BBX: variants seen among roughly 807,000 people sequenced by gnomAD.
BBX encodes BBX high mobility group box domain containing, also known as HMG box transcription factor BBX.
In BBX, 30 loss-of-function variants were observed where a neutral mutation model predicts 100.2. The observed-to-expected ratio is 0.30, with a 90% CI of 0.22 to 0.41. The LOEUF (loss-of-function observed/expected upper bound fraction) is 0.41. Ranked by LOEUF, BBX falls within the 10% of genes least tolerant of loss-of-function variation. The pLI, the probability that BBX is intolerant of heterozygous loss-of-function variation, is 1.00. For missense variants in BBX, 1,023 were observed against 1,129.8 expected, an observed-to-expected ratio of 0.91 and a Z score of 1.35; for synonymous variants, 376 against 388.1, an observed-to-expected ratio of 0.97 and a Z score of 0.37.
At position 107,583,568 on chromosome 3, in the gene BBX, T is replaced by C. The variant is rs147585182; in HGVS notation, c.-84+57170T>C. On this transcript the variant is annotated intron_variant, in intron 2 of 17. Coordinates refer to ENST00000325805, the MANE Select transcript of BBX (RefSeq NM_001142568.3). The stretch of plus-strand genomic sequence containing the variant: ...GATCAAATCGGGATAATTGGAATAT[T>C]TATCACCTTGAACATTTATCTTTTC... Among the ~76,000 whole-genome samples, 1,334 of 151,966 alleles carry C rather than the reference T, an allele frequency of 8.8e-3. 22 individuals carry two copies. Among genetic ancestry groups the C allele is most frequent in the African/African-American group, 0.031 (1,266 of 41,494 alleles).
At chr3:107,616,966 C>T (rs1009109598) in intron 2 of BBX, among the ~76,000 whole-genome samples, 1 of 152,018 alleles carries the variant, frequency 6.6e-6, no homozygotes, top group Non-Finnish European at 1.5e-5. Flanking sequence ...TCAAATTTAA[C>T]TAGCTCTAGA....
chr3:107,728,675 G>C lies in BBX; in HGVS notation c.406-90G>C, dbSNP rs76849035. 5,937 of 1,155,734 alleles carry C rather than the reference G, an allele frequency of 5.1e-3. 86 individuals are homozygous for C. In the Middle Eastern group the frequency reaches 0.054, roughly 10 times the overall value. 71.6% of individuals were successfully genotyped at this position (1,155,734 alleles called of 1,614,324 possible). On this transcript the variant is annotated intron_variant, in intron 5 of 17. Transcript: ENST00000325805. ...TCACTGAAATTGTTTTTCTCACTTG[G>C]TATCTAAATAGGGGAATGGGGTGAC...
At chr3:107,613,335 C>T (rs542187737) in intron 2 of BBX, among the ~76,000 whole-genome samples, 6 of 149,726 alleles carry the variant, frequency 4.0e-5, no homozygotes, top group Admixed American at 1.3e-4. Context: ...TACAGGCGCC[C>T]GCCACCACGA....
Position 107,646,970 on chromosome 3 carries a change from A to G in BBX, c.-10+1061A>G, listed in dbSNP as rs558664596. Among the ~76,000 whole-genome samples, 117 of 152,242 alleles carry G rather than the reference A, an allele frequency of 7.7e-4. 1 individual carries two copies. Among genetic ancestry groups the G allele is most frequent in the African/African-American group, 2.6e-3 (108 of 41,578 alleles). On this transcript the variant is annotated intron_variant, in intron 3 of 17. Coordinates refer to ENST00000325805, the MANE Select transcript of BBX (RefSeq NM_001142568.3). ...TTGTATACATAGTAAAATGTATATG[A>G]TTTACTTGAATGTGTATTTATAATA...
At chr3:107,661,965 T>C in intron 3 of BBX, 1 of 928,510 alleles carries the variant, frequency 1.1e-6, no homozygotes, top group Non-Finnish European at 1.3e-6. Flanking sequence ...CAGCATTTGT[T>C]AAGTGACTAC....
At chr3:107,798,063 G>T (rs952994953) in intron 15 of BBX, among the ~76,000 whole-genome samples, 3 of 152,184 alleles carry the variant, frequency 2.0e-5, no homozygotes, top group Non-Finnish European at 2.9e-5. Context: ...GTGCTTAAAA[G>T]CAAATGTCCC....
At chr3:107,701,248 G>A (rs1329236668) in intron 3 of BBX, among the ~76,000 whole-genome samples, 4 of 152,086 alleles carry the variant, frequency 2.6e-5, no homozygotes, top group African/African-American at 9.7e-5. Flanking sequence ...GCAGGGGAAG[G>A]GCAGTATGGG....
At chr3:107,554,469 A>G (rs2049931044) in intron 2 of BBX, among the ~76,000 whole-genome samples, 2 of 152,186 alleles carry the variant, frequency 1.3e-5, no homozygotes, top group African/African-American at 2.4e-5. Flanking sequence ...AAGATTTTAT[A>G]TGTATCTAGC....
intron 3 of BBX, among the ~76,000 whole-genome samples, chr3:107,661,450 G>C (rs1463010255): frequency 6.6e-6 from 1 of 152,122 alleles, no homozygotes; most frequent in Non-Finnish European, 1.5e-5. Context: ...TTATAGCTGG[G>C]TTGTTTGGAG....
At position 107,788,605 on chromosome 3, in the gene BBX, C is replaced by CA. The variant is rs113556653; in HGVS notation, c.2204-1171dup. Among the ~76,000 whole-genome samples the CA allele has an allele frequency of 4.0e-3, 570 of 143,296 alleles. 1 individual carries two copies. The highest frequency in any genetic ancestry group is 0.012 in the African/African-American group (459 of 39,176). The allele number at this position is 143,296 out of a possible 152,430, so 94.0% of individuals were successfully genotyped here. A position where few individuals can be genotyped will look rare whatever the true frequency, so the allele number is the denominator to read the frequency against. ...GCAACATGGTGAAACCCCAACTTTA[C>CA]AAAAAAAAAAATACAAAAAATTAGC... On this transcript the variant is annotated intron_variant, in intron 13 of 17. Transcript: ENST00000325805.
At chr3:107,722,423 C>T (rs1387573327) in intron 5 of BBX, among the ~76,000 whole-genome samples, 2 of 151,832 alleles carry the variant, frequency 1.3e-5, no homozygotes, top group African/African-American at 4.8e-5. Context: ...AATTAGTGCA[C>T]ACTGATTAAA....
chr3:107,804,946 G>T (rs545130349), intron 17 of BBX, among the ~76,000 whole-genome samples: 1 of 152,196 alleles, frequency 6.6e-6, no homozygotes, highest in African/African-American at 2.4e-5. Context: ...GAAAAGGAAT[G>T]TGTCATTTTT....
chr3:107,534,785 G>C (rs555873043), intron 2 of BBX, among the ~76,000 whole-genome samples: 1 of 152,190 alleles, frequency 6.6e-6, no homozygotes, highest in Non-Finnish European at 1.5e-5. Flanking sequence ...TGAAATTAAG[G>C]CACCTGTTGT....
chr3:107,591,428 T>C (rs142573850), intron 2 of BBX, among the ~76,000 whole-genome samples: 239 of 152,316 alleles, frequency 1.6e-3, no homozygotes, highest in Non-Finnish European at 2.9e-3. Context: ...GTTTAAGATC[T>C]ATAAACAGTC....
intron 2 of BBX, among the ~76,000 whole-genome samples, chr3:107,585,690 C>A (rs2052778578): frequency 6.6e-6 from 1 of 151,942 alleles, no homozygotes; most frequent in Non-Finnish European, 1.5e-5. Context: ...TCTAATGATG[C>A]TGTATTGGCA....
rs768402975 is a variant in BBX, at chr3:107,798,718, T to G, written c.2549T>G (p.Leu850Trp). The G allele has an allele frequency of 1.2e-6, 2 of 1,613,578 alleles. No individual in the cohort carries two copies. The highest frequency in any genetic ancestry group is 2.7e-5 in the African/African-American group (2 of 74,790). Residue 850 changes from leucine to tryptophan, a missense_variant and splice_region_variant, in exon 16 of 18, where the codon TTG becomes TGG. This residue lies in a region of BBX where 104 missense variants were observed against 132.2 expected (regional missense o/e 0.79). Transcript: ENST00000325805. ...CGGGTATCACCAGCAGGAGGTACTT[T>G]GGGTAAGAAGAGAGAGCTTTAGACC... ...DGRVSPAGGT[L>W]DDKPKEQLQR...
rs199535610 is a variant in BBX, at chr3:107,772,802, A to G, written c.1081A>G (p.Lys361Glu). 19 of 1,613,570 alleles carry G rather than the reference A, an allele frequency of 1.2e-5. No homozygotes were observed. In the East Asian group the frequency reaches 4.0e-4, roughly 34 times the overall value. Residue 361 changes from lysine to glutamate, a missense_variant, in exon 11 of 18, where the codon AAG (lysine) becomes GAG (glutamate). Coordinates refer to ENST00000325805, the MANE Select transcript of BBX (RefSeq NM_001142568.3). ...QKEAEFEKSA[K>E]ENLRDSKELR... ...GGAAGCAGAATTTGAAAAATCGGCTAAGGAAAATTTAAGAGATTCTAAGGA... is the reference window on the plus strand; with the variant it reads ...GGAAGCAGAATTTGAAAAATCGGCTGAGGAAAATTTAAGAGATTCTAAGGA...
At chr3:107,714,530 T>A (rs2061965673) in intron 4 of BBX, among the ~76,000 whole-genome samples, 2 of 152,222 alleles carry the variant, frequency 1.3e-5, no homozygotes, top group South Asian at 4.1e-4. Flanking sequence ...TGCTTCTTCA[T>A]CTTATATATT....
chr3:107,677,304 G>A (rs1485454382), intron 3 of BBX: 4 of 152,116 alleles, frequency 2.6e-5, no homozygotes, highest in African/African-American at 9.7e-5. Flanking sequence ...AGGGCATTGT[G>A]CTTGTGGCAG....
Sources: gnomAD v4.1 joint callset for allele counts (sites outside exome capture counted in the v4.1 genomes callset) on GRCh38, gnomAD v4.1.1 for gene constraint, gnomAD v4.1.1 regional missense constraint, MANE v1.5 for transcripts, NCBI Gene and HGNC (gene_info 2026-07-23, HGNC 2026-07-21) for gene names.